ALOX15: variants seen among roughly 807,000 people sequenced by gnomAD.
The protein encoded by ALOX15 is polyunsaturated fatty acid lipoxygenase ALOX15.
Under a neutral mutation model 71.7 loss-of-function variants are expected in ALOX15, and 68 were observed. That is an observed-to-expected ratio of 0.95 (90% CI 0.78 to 1.16). The LOEUF is 1.16. Ranked by LOEUF, ALOX15 falls within the 50% of genes most tolerant of loss-of-function variation. The pLI is 0.00. For missense variants in ALOX15, 798 were observed against 818.8 expected, an observed-to-expected ratio of 0.97 and a Z score of 0.31; for synonymous variants, 346 against 333.3, an observed-to-expected ratio of 1.04 and a Z score of -0.42.
At position 4,633,516 on chromosome 17, in the gene ALOX15, C is replaced by T. The variant is rs536177646; in HGVS notation, c.1162-16G>A. ...GAATTATAAGCTAGAGGGAGAAACA[C>T]AGGGAAGGGCAGAGTCAGAGGAGAG... On this transcript the variant is annotated splice_polypyrimidine_tract_variant and intron_variant, in intron 8 of 13. Transcript: ENST00000293761. 6.2e-6 allele frequency: 10 copies of T among 1,604,124 alleles called. No homozygotes were observed. The South Asian group carries it at 1.1e-4, about 18-fold the overall frequency.
chr17:4,632,722 G>A (rs1429552115), intron 11 of ALOX15, 139 bp downstream of exon 11: 1 of 1,378,160 alleles, frequency 7.3e-7, no homozygotes, highest in Admixed American at 2.0e-5. Context: ...CTAGGTGACA[G>A]GGAGTGGAAT....
Position 4,638,688 on chromosome 17 carries a change from C to T in ALOX15, c.543-4G>A. On this transcript the variant is annotated splice_region_variant and splice_polypyrimidine_tract_variant and intron_variant, in intron 4 of 13. Coordinates refer to ENST00000293761, the MANE Select transcript of ALOX15 (RefSeq NM_001140.5). ...TTTGATAGCGAGGTCGGCCAGCCTT[C>T]AGGGCAGGATGGGGCAAAGGGTTTG... 6.2e-7 allele frequency: 1 copy of T among 1,614,156 alleles called. No individual in the cohort carries two copies. The highest frequency in any genetic ancestry group is 2.2e-5 in the East Asian group (1 of 44,888).
At chr17:4,636,085 T>A (rs2150536442) in intron 7 of ALOX15, 117 bp from the exon 8 acceptor site, 1 of 1,122,432 alleles carries the variant, frequency 8.9e-7, no homozygotes. Context: ...GCTTTCCCCA[T>A]CTCACTCCTG....
At chr17:4,631,814 A>AT (rs1477263818) in intron 13 of ALOX15, 35 bp from the exon 14 acceptor site, 6 of 1,612,258 alleles carry the variant, frequency 3.7e-6, no homozygotes, top group South Asian at 1.1e-5. Flanking sequence ...TGAGAGCCTT[A>AT]TGACCCCCAG....
At chr17:4,635,601 T>C (rs1376018455) in intron 8 of ALOX15, among the ~76,000 whole-genome samples, 158 bp downstream of exon 8, 1 of 152,222 alleles carries the variant, frequency 6.6e-6, no homozygotes, top group Non-Finnish European at 1.5e-5. Flanking sequence ...CCTTTGAAAA[T>C]GCATGGCCAG....
Position 4,633,191 on chromosome 17 carries a change from G to C in ALOX15, c.1373C>G (p.Ser458Cys). 6.2e-7 allele frequency: 1 copy of C among 1,614,156 alleles called. No homozygotes were observed. Among genetic ancestry groups the C allele is most frequent in the African/African-American group, 1.3e-5 (1 of 75,040 alleles). ...CCGCAGCGCATCTTGGGCATAGAAGGAAGACTTCACTCCCAGGAGCCCCCG... is the reference window on the plus strand; with the variant it reads ...CCGCAGCGCATCTTGGGCATAGAAGCAAGACTTCACTCCCAGGAGCCCCCG... ...ADRGLLGVKS[S>C]FYAQDALRLW... is the part of the protein sequence containing the mutation. The change falls in exon 10 of 14, where the codon TCC becomes TGC. Residue 458 changes from serine to cysteine, a missense_variant. This residue lies in a region of ALOX15 where 490 missense variants were observed against 509.4 expected (regional missense o/e 0.96). Coordinates refer to ENST00000293761, the MANE Select transcript of ALOX15 (RefSeq NM_001140.5).
At position 4,635,968 on chromosome 17, in the gene ALOX15, G is replaced by A. The variant is rs776284390; in HGVS notation, c.952C>T (p.Leu318Phe). 8 of 1,613,410 alleles carry A rather than the reference G, an allele frequency of 5.0e-6. No homozygotes were observed. The highest frequency in any genetic ancestry group is 5.9e-6 in the Non-Finnish European group (7 of 1,179,996). ...DGKLLPMVIQ[L>F]QLPRTGSPPP... ...GGGGATCCTGTGCGGGGCAGCTGGA[G>A]CTGGAGCAGGGACAAGTGTGGGGAG... Residue 318 changes from leucine (L) to phenylalanine (F), a missense_variant and splice_region_variant, in exon 8 of 14, where the codon CTC becomes TTC. Coordinates refer to ENST00000293761, the MANE Select transcript of ALOX15 (RefSeq NM_001140.5).
In ALOX15 at chr17:4,638,357, T is replaced by C; in HGVS notation, c.667A>G (p.Lys223Glu). Residue 223 changes from lysine (K) to glutamate (E), a missense_variant, in exon 6 of 14, where the codon AAG becomes GAG. Lys to Glu is a moderately conservative substitution (Grantham distance 56, BLOSUM62 1). Around this residue, in one of 3 missense-constraint regions of ALOX15, gnomAD observed 300 missense variants for 283.1 expected, o/e 1.06. Coordinates refer to ENST00000293761, the MANE Select transcript of ALOX15 (RefSeq NM_001140.5). ...KLAERVRDSW[K>E]EDALFGYQFL... ...TGGTACCCAAATAAGGCATCTTCCT[T>C]CCAGGAGTCCCGCACGCGCTCTGGG... is the stretch of plus-strand genomic sequence containing the variant. The C allele has an allele frequency of 2.1e-6, 2 of 950,918 alleles. No homozygotes were observed. Among genetic ancestry groups the C allele is most frequent in the Non-Finnish European group, 3.2e-6 (2 of 621,132 alleles). The allele number at this position is 950,918 out of a possible 1,614,324, so 58.9% of individuals were successfully genotyped here.
Position 4,633,227 on chromosome 17 carries a change from T to G in ALOX15, c.1337A>C (p.Asp446Ala), listed in dbSNP as rs752759635. 7 of 1,614,078 alleles carry G rather than the reference T, an allele frequency of 4.3e-6. No individual in the cohort carries two copies. Among genetic ancestry groups the G allele is most frequent in the Non-Finnish European group, 5.9e-6 (7 of 1,179,998 alleles). The change falls in exon 10 of 14, where the codon GAC becomes GCC. Residue 446 changes from aspartate to alanine, a missense_variant. By Grantham distance (126) the Asp-to-Ala change is moderately radical. This residue lies in a region of ALOX15 where 490 missense variants were observed against 509.4 expected (regional missense o/e 0.96). Coordinates refer to ENST00000293761, the MANE Select transcript of ALOX15 (RefSeq NM_001140.5). ...LTYSSFCPPDDLADRGLLGVK... is the reference protein window; with the variant it reads ...LTYSSFCPPDALADRGLLGVK... ...TCCCAGGAGCCCCCGGTCGGCCAAG[T>G]CATCAGGGGGACAGAAGGAGCTGTA...
Position 4,641,385 on chromosome 17 carries a change from C to T in ALOX15, c.135+132G>A, listed in dbSNP as rs1911322894. 6.5e-6 allele frequency: 9 copies of T among 1,383,950 alleles called. No individual in the cohort carries two copies. The East Asian group carries it at 2.2e-4, about 33-fold the overall frequency. 85.7% of individuals were successfully genotyped at this position (1,383,950 alleles called of 1,614,324 possible). A position where few individuals can be genotyped will look rare whatever the true frequency, so the allele number is the denominator to read the frequency against. Reference sequence around the variant, plus strand: ...CCCCCACCCCCGTGGCCTCCGCGCGCTTTGAGCCCAATGCGCGGGCCCTTG... The same window carrying T: ...CCCCCACCCCCGTGGCCTCCGCGCGTTTTGAGCCCAATGCGCGGGCCCTTG... On this transcript the variant is annotated intron_variant, in intron 1 of 13. Coordinates refer to ENST00000293761, the MANE Select transcript of ALOX15 (RefSeq NM_001140.5).
chr17:4,632,189 G>A lies in ALOX15; in HGVS notation c.1633C>T (p.Leu545=). The change falls in exon 12 of 14, where the codon CTG becomes TTG. Residue 545 remains leucine, a synonymous_variant. Coordinates refer to ENST00000293761, the MANE Select transcript of ALOX15 (RefSeq NM_001140.5). The part of the protein sequence containing the change: ...TCTGQHASVH[L]GQLDWYSWVP... The stretch of plus-strand genomic sequence containing the variant: ...CCATCTCTGGTAAGTACCTGGCCCA[G>A]GTGCACAGAGGCGTGTTGGCCGGTG... 1 of 1,614,198 alleles carries A rather than the reference G, an allele frequency of 6.2e-7. No homozygotes were observed.
Position 4,637,167 on chromosome 17 carries a change from A to G in ALOX15, c.899T>C (p.Leu300Pro). 6.2e-7 allele frequency: 1 copy of G among 1,613,950 alleles called. No individual in the cohort carries two copies. Residue 300 changes from leucine (L) to proline (P), a missense_variant, in exon 7 of 14, where the codon CTA (leucine) becomes CCA (proline). Transcript: ENST00000293761. The stretch of plus-strand genomic sequence containing the variant: ...ATCAGGCTGCAATTTCAGCATGACT[A>G]GAGGGGCAGCCAGGTGCTGCTGGCT... ...LCSQQHLAAP[L>P]VMLKLQPDGK...
In ALOX15 at chr17:4,638,918, A is replaced by C. The variant is rs1053467411; in HGVS notation, c.474T>G (p.Tyr158Ter). 6.2e-7 allele frequency: 1 copy of C among 1,614,090 alleles called. No individual in the cohort carries two copies. The highest frequency in any genetic ancestry group is 1.3e-5 in the African/African-American group (1 of 74,930). ...LILNMAGAKL[Y>*]DLPVDERFLE... Reference sequence around the variant, plus strand: ...GAAATCGCTCATCCACAGGGAGGTCATATAGTTTGGCCCCAGCCATATTCA... The same window carrying C: ...GAAATCGCTCATCCACAGGGAGGTCCTATAGTTTGGCCCCAGCCATATTCA... The change falls in exon 4 of 14, where the codon TAT (tyrosine) becomes TAG (stop). Residue 158 changes from tyrosine (Y) to a stop codon, truncating the protein, a stop_gained. Coordinates refer to ENST00000293761, the MANE Select transcript of ALOX15 (RefSeq NM_001140.5). LOFTEE classifies it high-confidence loss of function.
rs1454202563 is a variant in ALOX15 at position 4,632,874 on chromosome 17, C to A, written c.1527G>T (p.Gly509=). ...CREITEIGLQ[G]AQDRGFPVSL... ...GGCTCCTCTTACCTCGGTCCTGGGC[C>A]CCTTGCAGCCCGATTTCAGTGATCT... The change falls in exon 11 of 14, where the codon GGG becomes GGT. Residue 509 remains glycine (G), a synonymous_variant. Coordinates refer to ENST00000293761, the MANE Select transcript of ALOX15 (RefSeq NM_001140.5). 3 of 1,613,956 alleles carry A rather than the reference C, an allele frequency of 1.9e-6. No homozygotes were observed. Among genetic ancestry groups the A allele is most frequent in the East Asian group, 4.5e-5 (2 of 44,886 alleles).
chr17:4,632,799 G>C (rs1910958746), intron 11 of ALOX15, 62 bp downstream of exon 11: 1 of 1,609,602 alleles, frequency 6.2e-7, no homozygotes, highest in East Asian at 2.2e-5. Context: ...AGAAGCACAG[G>C]GGATTCTGGG....
intron 1 of ALOX15, 137 bp downstream of exon 1, chr17:4,641,380 G>A (rs1911322585): frequency 5.4e-6 from 7 of 1,307,296 alleles, no homozygotes; most frequent in Non-Finnish European, 7.2e-6. Flanking sequence ...CGTGGCCTCC[G>A]CGCGCTTTGA....
chr17:4,631,615 G>T lies in ALOX15; in HGVS notation c.1974C>A (p.Asn658Lys). ...GTGGCGACGCTTAGATGGCCACACTGTTTTCCACCACGCTGGGCCGCAGGT... is the reference window on the plus strand; with the variant it reads ...GTGGCGACGCTTAGATGGCCACACTTTTTTCCACCACGCTGGGCCGCAGGT... Reference protein sequence around the residue: ...YEYLRPSVVENSVAI With the variant: ...YEYLRPSVVEKSVAI Residue 658 changes from asparagine to lysine, a missense_variant, in exon 14 of 14, where the codon AAC (asparagine) becomes AAA (lysine). Physicochemically the swap from Asn to Lys is moderately conservative, Grantham distance 94. Transcript: ENST00000293761. 2 of 1,613,278 alleles carry T rather than the reference G, an allele frequency of 1.2e-6. No individual in the cohort carries two copies. Among genetic ancestry groups the T allele is most frequent in the Non-Finnish European group, 1.7e-6 (2 of 1,179,994 alleles).
intron 2 of ALOX15, 44 bp from the exon 3 acceptor site, chr17:4,639,176 G>A (rs1911227839): frequency 1.2e-6 from 2 of 1,606,402 alleles, no homozygotes; most frequent in Non-Finnish European, 8.5e-7. Context: ...TTTGGTGAGC[G>A]CCTCTTCTTG....
rs373939688 is a variant in ALOX15, at chr17:4,631,992, T to C, written c.1706A>G (p.Lys569Arg). 6.2e-7 allele frequency: 1 copy of C among 1,614,084 alleles called. No individual in the cohort carries two copies. The highest frequency in any genetic ancestry group is 8.5e-7 in the Non-Finnish European group (1 of 1,180,022). ...CATCACTGTCTCCAGCGTTGCATCC[T>C]TGGTGGTTGGCGGGGGCAGCCGCAT... ...CTMRLPPPTT[K>R]DATLETVMAT... Residue 569 changes from lysine (K) to arginine (R), a missense_variant, in exon 13 of 14, where the codon AAG (lysine) becomes AGG (arginine). Around this residue, in one of 3 missense-constraint regions of ALOX15, gnomAD observed 490 missense variants for 509.4 expected, o/e 0.96. Coordinates refer to ENST00000293761, the MANE Select transcript of ALOX15 (RefSeq NM_001140.5).
Sources: gnomAD v4.1 joint callset for allele counts (sites outside exome capture counted in the v4.1 genomes callset) on GRCh38, gnomAD v4.1.1 for gene constraint, gnomAD v4.1.1 regional missense constraint, MANE v1.5 for transcripts, NCBI Gene and HGNC (gene_info 2026-07-23, HGNC 2026-07-21) for gene names.